Variants in ST18 observed in about 807,000 individuals in gnomAD.
The protein encoded by ST18 is suppression of tumorigenicity 18 protein.
A neutral mutation model predicts 110.0 loss-of-function variants in ST18; 50 were observed. The ratio of observed to expected loss-of-function variants is 0.45; its 90% confidence interval spans 0.36 to 0.58. The LOEUF (loss-of-function observed/expected upper bound fraction) is 0.58. Among genes scored for constraint, ST18 ranks in the 20% least tolerant of loss-of-function variants. The pLI is 0.00. For missense variants in ST18, 1,306 were observed against 1,280.1 expected, an observed-to-expected ratio of 1.02 and a Z score of -0.31; for synonymous variants, 461 against 452.4, an observed-to-expected ratio of 1.02 and a Z score of -0.24.
intron 3 of ST18, among the ~76,000 whole-genome samples, chr8:52,227,794 T>G (rs1317363509): frequency 6.6e-6 from 1 of 152,174 alleles, no homozygotes; most frequent in Non-Finnish European, 1.5e-5. Flanking sequence ...AGCGTTTTGA[T>G]GGCACTCTCA....
At chr8:52,376,933 T>A (rs1384036672) in intron 2 of ST18, among the ~76,000 whole-genome samples, 1 of 152,226 alleles carries the variant, frequency 6.6e-6, no homozygotes, top group Non-Finnish European at 1.5e-5. Flanking sequence ...GTACTTAAAA[T>A]GCAGCTAAAC....
chr8:52,149,272 A>G (rs1411737391), intron 16 of ST18, among the ~76,000 whole-genome samples: 1 of 152,274 alleles, frequency 6.6e-6, no homozygotes, highest in East Asian at 1.9e-4. Flanking sequence ...CAATGAGTCT[A>G]TACATAGGTA....
At chr8:52,125,306 C>T (rs981985602) in intron 23 of ST18, among the ~76,000 whole-genome samples, 1 of 152,044 alleles carries the variant, frequency 6.6e-6, no homozygotes, top group African/African-American at 2.4e-5. Flanking sequence ...CACAGAAGAA[C>T]ACAATTGAAG....
At chr8:52,213,026 A>C (rs547461743) in intron 7 of ST18, among the ~76,000 whole-genome samples, 2 of 152,338 alleles carry the variant, frequency 1.3e-5, no homozygotes, top group African/African-American at 4.8e-5. Context: ...CTGGTATCCT[A>C]TTGAGAAGTT....
chr8:52,140,347 T>C (rs2054452370), intron 17 of ST18, among the ~76,000 whole-genome samples: 1 of 152,168 alleles, frequency 6.6e-6, no homozygotes, highest in South Asian at 2.1e-4. Context: ...CTGGCCAACA[T>C]GGCGAAACCC....
At chr8:52,406,186 C>T (rs1336938918) in intron 2 of ST18, 1 of 152,210 alleles carries the variant, frequency 6.6e-6, no homozygotes, top group Non-Finnish European at 1.5e-5. Flanking sequence ...TTAAACGCAA[C>T]ACAGAATGTA....
chr8:52,318,900 C>A, intron 2 of ST18, among the ~76,000 whole-genome samples: 1 of 135,804 alleles, frequency 7.4e-6, no homozygotes, highest in Admixed American at 7.7e-5. Flanking sequence ...GGGGGTGGGA[C>A]AACAACATAC....
intron 7 of ST18, among the ~76,000 whole-genome samples, chr8:52,213,676 C>T (rs535589274): frequency 3.3e-5 from 5 of 152,170 alleles, no homozygotes; most frequent in African/African-American, 1.2e-4. Flanking sequence ...CTGTTGGTTA[C>T]AAAAAGAGAG....
chr8:52,178,672 A>AC (rs1269146915), intron 9 of ST18, among the ~76,000 whole-genome samples: 1 of 150,484 alleles, frequency 6.6e-6, no homozygotes, highest in Admixed American at 6.6e-5. Context: ...AAACAAACAA[A>AC]AAAAACCCAC....
chr8:52,271,683 C>T (rs2095081735), intron 2 of ST18, among the ~76,000 whole-genome samples: 1 of 152,220 alleles, frequency 6.6e-6, no homozygotes, highest in Non-Finnish European at 1.5e-5. Flanking sequence ...TCCTTCCTAA[C>T]ATATTCTCCT....
chr8:52,220,628 C>T (rs1371503151), intron 5 of ST18, 113 bp downstream of exon 5: 10 of 152,146 alleles, frequency 6.6e-5, no homozygotes, highest in South Asian at 2.1e-4. Flanking sequence ...AATTTGTAAG[C>T]GAATCCACAG....
intron 8 of ST18, among the ~76,000 whole-genome samples, chr8:52,190,666 G>A (rs1337160128): frequency 6.6e-6 from 1 of 152,186 alleles, no homozygotes; most frequent in African/African-American, 2.4e-5. Flanking sequence ...GCAGAGCTGT[G>A]ATCTTGCTGA....
intron 2 of ST18, chr8:52,406,425 T>A (rs1844518882): frequency 6.6e-6 from 1 of 152,492 alleles, no homozygotes; most frequent in Admixed American, 6.5e-5. Context: ...TCCTGAGGCA[T>A]CTCTCAGAGA....
At chr8:52,273,887 C>A (rs939942835) in intron 2 of ST18, among the ~76,000 whole-genome samples, 2 of 152,172 alleles carry the variant, frequency 1.3e-5, no homozygotes, top group Non-Finnish European at 2.9e-5. Context: ...TATGGATTAA[C>A]AAGGCAATTC....
At chr8:52,293,818 C>A (rs2095592618) in intron 2 of ST18, among the ~76,000 whole-genome samples, 1 of 152,228 alleles carries the variant, frequency 6.6e-6, no homozygotes, top group Non-Finnish European at 1.5e-5. Flanking sequence ...AACTGTAACA[C>A]ACTACACCAA....
intron 2 of ST18, among the ~76,000 whole-genome samples, chr8:52,401,934 C>T (rs1842911650): frequency 6.6e-6 from 1 of 152,098 alleles, no homozygotes; most frequent in African/African-American, 2.4e-5. Context: ...TTATAGAGGG[C>T]TTTCATAGGG....
chr8:52,121,178 G>A (rs1365999037), intron 23 of ST18, among the ~76,000 whole-genome samples: 4 of 152,186 alleles, frequency 2.6e-5, no homozygotes, highest in Non-Finnish European at 5.9e-5. Context: ...TGTTCCTGAA[G>A]ACACCCCAGC....
intron 24 of ST18, among the ~76,000 whole-genome samples, chr8:52,117,626 AAACCCTTT>A (rs1484387052): frequency 6.6e-6 from 1 of 152,182 alleles, no homozygotes; most frequent in Non-Finnish European, 1.5e-5. Context: ...AGATGGATTA[AAACCCTTT>A]GTCTTAAGCT....
At chr8:52,190,194 C>T (rs1273924299) in intron 8 of ST18, among the ~76,000 whole-genome samples, 1 of 152,136 alleles carries the variant, frequency 6.6e-6, no homozygotes, top group Non-Finnish European at 1.5e-5. Flanking sequence ...AACTTTAACC[C>T]ATGTGTAAAA....
Sources: gnomAD v4.1 joint callset for allele counts (sites outside exome capture counted in the v4.1 genomes callset) on GRCh38, gnomAD v4.1.1 for gene constraint, MANE v1.5 for transcripts, NCBI Gene and HGNC (gene_info 2026-07-23, HGNC 2026-07-21) for gene names.